The following LHB variants were observed in gnomAD, a reference collection of about 807,000 sequenced individuals.
LHB encodes lutropin subunit beta.
A neutral mutation model predicts 10.6 loss-of-function variants in LHB; 11 were observed. The ratio of observed to expected loss-of-function variants is 1.04; its 90% CI spans 0.66 to 1.72. The LOEUF (loss-of-function observed/expected upper bound fraction) is 1.72. LHB is among the 40% of genes most tolerant of loss of function. LHB has a pLI of 0.00. For missense variants in LHB, 184 were observed against 197.3 expected (o/e 0.93, Z 0.41); for synonymous variants, 86 against 83.1 (o/e 1.03, Z -0.19).
intron 1 of LHB, 80 bp downstream of exon 1, chr19:49,016,987 G>A: frequency 1.9e-6 from 3 of 1,612,288 alleles, no homozygotes; most frequent in Non-Finnish European, 2.5e-6. Context: ...TCCTTCCACA[G>A]CTCACACGGG....
chr19:49,019,064 G>A (rs1224475400), upstream of LHB: 2 of 1,468,232 alleles, frequency 1.4e-6, no homozygotes, highest in African/African-American at 1.4e-5. Flanking sequence ...CCCAAGCCCT[G>A]GGTCCCGAGT....
At chr19:49,019,476 C>T, upstream of LHB, 1 of 1,239,764 alleles carries the variant, frequency 8.1e-7, no homozygotes, top group Non-Finnish European at 1.0e-6. Flanking sequence ...AGTTTGTAGT[C>T]CCTGGTCCTT....
In LHB at chr19:49,016,768, G is replaced by A. The variant is rs759261006; in HGVS notation, c.16-54C>T. On this transcript the variant is annotated intron_variant, in intron 1 of 2. Transcript: ENST00000649238. Reference sequence around the variant, plus strand: ...TCTGAGACCGCAGCCCCGAGTCCTGGCCTTCCCATCCCGCGTGGTACACCA... The same window carrying A: ...TCTGAGACCGCAGCCCCGAGTCCTGACCTTCCCATCCCGCGTGGTACACCA... 5.0e-6 allele frequency: 8 copies of A among 1,605,046 alleles called. No individual in the cohort carries two copies. In the South Asian group the frequency reaches 7.7e-5, roughly 15 times the overall value.
At chr19:49,018,901 A>T, upstream of LHB, 1 of 1,534,388 alleles carries the variant, frequency 6.5e-7, no homozygotes, top group East Asian at 2.4e-5. Context: ...TCCCGCGCCG[A>T]GGTGGTCAGA....
At chr19:49,017,918 C>T (rs964163446), upstream of LHB, 8 of 398,230 alleles carry the variant, frequency 2.0e-5, no homozygotes, top group South Asian at 2.6e-4. Context: ...GAGCTCCGCT[C>T]GGCAGCGCGG....
Position 49,016,098 on chromosome 19 carries a change from G to T in LHB, c.396C>A (p.His132Gln). ...GGAAGAGGAGGCCTGAGAGTTGGGGGTGGTCACAGGTCAAGGGGTGGTCTT... is the reference window on the plus strand; with the variant it reads ...GGAAGAGGAGGCCTGAGAGTTGGGGTTGGTCACAGGTCAAGGGGTGGTCTT... Reference protein sequence around the residue: ...GPKDHPLTCDHPQLSGLLFL With the variant: ...GPKDHPLTCDQPQLSGLLFL The change falls in exon 3 of 3, where the codon CAC (histidine) becomes CAA (glutamine). Residue 132 changes from histidine (H) to glutamine (Q), a missense_variant. By Grantham distance (24) the His-to-Gln change is conservative. Coordinates refer to ENST00000649238, the MANE Select transcript of LHB (RefSeq NM_000894.3). 6.2e-7 allele frequency: 1 copy of T among 1,613,120 alleles called. No homozygotes were observed. Among genetic ancestry groups the T allele is most frequent in the Non-Finnish European group, 8.5e-7 (1 of 1,180,026 alleles).
At chr19:49,018,886 G>A (rs1195896894), upstream of LHB, 1 of 1,534,200 alleles carries the variant, frequency 6.5e-7, no homozygotes, top group Non-Finnish European at 8.7e-7. Context: ...GGATAGAACC[G>A]AAAGTCCCGC....
Position 49,016,146 on chromosome 19 carries a change from G to A in LHB, c.348C>T (p.Ser116=). ...LSCRCGPCRR[S]TSDCGGPKDH... ...CTTTGGGACCCCCACAGTCAGAGGT[G>A]CTGCGGCGGCAGGGTCCACAGCGAC... Residue 116 remains serine (S), a synonymous_variant, in exon 3 of 3, where the codon AGC becomes AGT. Transcript: ENST00000649238. The A allele has an allele frequency of 6.2e-7, 1 of 1,612,826 alleles. No homozygotes were observed. The highest frequency in any genetic ancestry group is 8.5e-7 in the Non-Finnish European group (1 of 1,180,022).
In LHB at chr19:49,016,029, A is replaced by G; in HGVS notation, c.*39T>C. On this transcript the variant is annotated 3_prime_UTR_variant, in exon 3 of 3. Transcript: ENST00000649238. Reference sequence around the variant, plus strand: ...GGGAGGATCGGGGTGTCAGGGCTCCAGGAGTCGGGATGGACTTGGAAGGCT... The same window carrying G: ...GGGAGGATCGGGGTGTCAGGGCTCCGGGAGTCGGGATGGACTTGGAAGGCT... 7 of 1,614,054 alleles carry G rather than the reference A, an allele frequency of 4.3e-6. No homozygotes were observed. The highest frequency in any genetic ancestry group is 5.9e-6 in the Non-Finnish European group (7 of 1,180,044).
chr19:49,016,139 CAG>C lies in LHB; in HGVS notation c.353_354del (p.Ser118Ter), dbSNP rs770410549. The C allele has an allele frequency of 1.2e-6, 2 of 1,612,858 alleles. No homozygotes were observed. Among genetic ancestry groups the C allele is most frequent in the East Asian group, 4.5e-5 (2 of 44,878 alleles). On this transcript the variant is annotated frameshift_variant, in exon 3 of 3. Coordinates refer to ENST00000649238, the MANE Select transcript of LHB (RefSeq NM_000894.3). LOFTEE classifies it high-confidence loss of function. ...CRCGPCRRST[S>X]DCGGPKDHPL... is the part of the protein sequence containing the mutation. ...GGGTGGTCTTTGGGACCCCCACAGT[CAG>C]AGGTGCTGCGGCGGCAGGGTCCACA...
At chr19:49,019,117 G>A (rs1409602704), upstream of LHB, 5 of 1,432,684 alleles carry the variant, frequency 3.5e-6, no homozygotes, top group African/African-American at 1.4e-5. Flanking sequence ...TGACGGCCAC[G>A]GCCCTCACAC....
chr19:49,017,703 T>G, upstream of LHB: 1 of 528,496 alleles, frequency 1.9e-6, no homozygotes. Flanking sequence ...GTTCAGGTGA[T>G]TTAACTCATT....
upstream of LHB, chr19:49,019,217 C>T: frequency 7.2e-7 from 1 of 1,385,100 alleles, no homozygotes; most frequent in Non-Finnish European, 9.3e-7. Flanking sequence ...GCCTCACCTC[C>T]CTAAATCCAA....
chr19:49,016,359 C>T, intron 2 of LHB, 49 bp from the exon 3 acceptor site: 2 of 1,605,118 alleles, frequency 1.2e-6, no homozygotes, highest in Non-Finnish European at 1.7e-6. Context: ...AGGCCAGCGC[C>T]TCAGCTGAGC....
At chr19:49,017,495 C>T (rs1186985361), upstream of LHB, 4 of 1,141,472 alleles carry the variant, frequency 3.5e-6, no homozygotes, top group African/African-American at 1.6e-5. Flanking sequence ...ACAGTCCAAC[C>T]TAACAGGAGG....
In LHB at chr19:49,016,715, C is replaced by T. The variant is rs1473518836; in HGVS notation, c.16-1G>A. On this transcript the variant is annotated splice_acceptor_variant, in intron 1 of 2. Coordinates refer to ENST00000649238, the MANE Select transcript of LHB (RefSeq NM_000894.3). LOFTEE classifies it high-confidence loss of function. ...TCAGCAGCAGCAACAGCAGCAGCCC[C>T]TGGGACAAGGACACTGCTTCACCCA... is the stretch of plus-strand genomic sequence containing the variant. 2 of 1,610,974 alleles carry T rather than the reference C, an allele frequency of 1.2e-6. No individual in the cohort carries two copies. Among genetic ancestry groups the T allele is most frequent in the Non-Finnish European group, 1.7e-6 (2 of 1,179,786 alleles).
At chr19:49,018,723 G>A (rs374871305), upstream of LHB, 30 of 686,534 alleles carry the variant, frequency 4.4e-5, no homozygotes, top group South Asian at 2.5e-4. Context: ...AAAAAGGGAG[G>A]GGCTGAGGCC....
chr19:49,019,079 A>C (rs2039598743), upstream of LHB: 1 of 1,456,152 alleles, frequency 6.9e-7, no homozygotes, highest in Admixed American at 2.4e-5. Flanking sequence ...CCGAGTTCAG[A>C]ATCCCTCTCC....
chr19:49,019,281 A>G, upstream of LHB: 3 of 1,199,962 alleles, frequency 2.5e-6, no homozygotes, highest in Admixed American at 9.6e-5. Flanking sequence ...ACCAAAAACA[A>G]CCTCCCTGGT....
Sources: gnomAD v4.1 joint callset for allele counts on GRCh38, gnomAD v4.1.1 for gene constraint, MANE v1.5 for transcripts, NCBI Gene and HGNC (gene_info 2026-07-23, HGNC 2026-07-21) for gene names.